The following PTPRM variants were observed in gnomAD, a reference collection of about 807,000 sequenced individuals.
The protein encoded by PTPRM is receptor-type tyrosine-protein phosphatase mu.
PTPRM carries 47 observed loss-of-function variants against 186.7 expected under a neutral mutation model. The ratio of observed to expected loss-of-function variants is 0.25; its 90% CI spans 0.20 to 0.32. The LOEUF (loss-of-function observed/expected upper bound fraction) is 0.32. Among genes scored for constraint, PTPRM ranks in the 10% least tolerant of loss-of-function variants. The pLI is 1.00. For synonymous variants in PTPRM, 668 were observed against 674.9 expected (o/e 0.99, Z 0.16); for missense variants, 1,494 against 1,865.0 (o/e 0.80, Z 3.66).
At chr18:8,385,795 A>C (rs755458880) in intron 30 of PTPRM, among the ~76,000 whole-genome samples, 1 of 152,162 alleles carries the variant, frequency 6.6e-6, no homozygotes, top group Non-Finnish European at 1.5e-5. Flanking sequence ...TAAAAGGAGC[A>C]CTCTGGCACC....
intron 13 of PTPRM, among the ~76,000 whole-genome samples, chr18:8,135,683 T>C (rs1441226467): frequency 1.3e-5 from 2 of 152,224 alleles, no homozygotes; most frequent in African/African-American, 4.8e-5. Flanking sequence ...GTTTACTAAA[T>C]GAGAGTCTGG....
chr18:7,642,866 AAG>A (rs869162574), intron 1 of PTPRM, among the ~76,000 whole-genome samples: 5 of 137,508 alleles, frequency 3.6e-5, no homozygotes, highest in Non-Finnish European at 4.8e-5. Context: ...AAAAAAAAAA[AAG>A]AAGAAGAAAG....
chr18:7,633,625 G>C (rs2038242256), intron 1 of PTPRM, among the ~76,000 whole-genome samples: 1 of 152,090 alleles, frequency 6.6e-6, no homozygotes, highest in Non-Finnish European at 1.5e-5. Flanking sequence ...AATCTGACCT[G>C]CTCTCTCTAT....
intron 2 of PTPRM, among the ~76,000 whole-genome samples, chr18:7,851,547 T>C (rs1468159359): frequency 6.6e-6 from 1 of 152,038 alleles, no homozygotes; most frequent in Non-Finnish European, 1.5e-5. Flanking sequence ...GATTGACATC[T>C]GCAAGGTACA....
At chr18:8,237,060 A>G (rs2147210681) in intron 14 of PTPRM, among the ~76,000 whole-genome samples, 1 of 152,222 alleles carries the variant, frequency 6.6e-6, no homozygotes, top group Admixed American at 6.5e-5. Context: ...CCTAGAGTTC[A>G]CATATGTTTA....
rs11294604 is a variant in PTPRM, at chr18:7,891,113, C to CAA, written c.468+2750_468+2751dup. On this transcript the variant is annotated intron_variant, in intron 3 of 32. Transcript: ENST00000580170. ...GCAACATGGCGAAATCCAGTGTCTC[C>CAA]AAAAAAAAAAAAAAACAACAAAATT... Among the ~76,000 whole-genome samples the CAA allele has an allele frequency of 8.6e-5, 11 of 128,498 alleles. No homozygotes were observed. The East Asian group carries it at 1.3e-3, about 15-fold the overall frequency. 84.3% of individuals were successfully genotyped at this position (128,498 alleles called of 152,430 possible). A position where few individuals can be genotyped will look rare whatever the true frequency, so the allele number is the denominator to read the frequency against.
chr18:8,339,202 C>T (rs1013543966), intron 22 of PTPRM, among the ~76,000 whole-genome samples: 1 of 151,648 alleles, frequency 6.6e-6, no homozygotes, highest in African/African-American at 2.4e-5. Flanking sequence ...GTTCCGCCCC[C>T]TTTTTTTTCC....
chr18:8,160,793 G>A (rs1358102153), intron 14 of PTPRM, among the ~76,000 whole-genome samples: 2 of 152,152 alleles, frequency 1.3e-5, no homozygotes, highest in Admixed American at 1.3e-4. Flanking sequence ...TCATTGTATG[G>A]TATTATTCCT....
intron 1 of PTPRM, among the ~76,000 whole-genome samples, chr18:7,639,731 A>G (rs1384537553): frequency 6.6e-6 from 1 of 152,168 alleles, no homozygotes; most frequent in East Asian, 1.9e-4. Flanking sequence ...TGCTGTTTAC[A>G]TTTATATGGT....
At chr18:7,592,562 A>T (rs1442037357) in intron 1 of PTPRM, among the ~76,000 whole-genome samples, 1 of 152,214 alleles carries the variant, frequency 6.6e-6, no homozygotes, top group East Asian at 1.9e-4. Context: ...ACCCCCAGTT[A>T]TGTGGTACAG....
intron 1 of PTPRM, among the ~76,000 whole-genome samples, chr18:7,607,239 G>A (rs140795882): frequency 6.6e-6 from 1 of 152,112 alleles, no homozygotes; most frequent in East Asian, 1.9e-4. Context: ...CTGAGATCTG[G>A]AGCTGCGAGG....
At chr18:8,092,380 A>G (rs897836670) in intron 11 of PTPRM, among the ~76,000 whole-genome samples, 1 of 152,146 alleles carries the variant, frequency 6.6e-6, no homozygotes, top group Non-Finnish European at 1.5e-5. Context: ...CATTAATAAG[A>G]TATGGAAAAG....
chr18:7,717,424 T>G (rs970497254), intron 1 of PTPRM, among the ~76,000 whole-genome samples: 4 of 152,108 alleles, frequency 2.6e-5, no homozygotes, highest in Non-Finnish European at 5.9e-5. Flanking sequence ...CCCATCCCCT[T>G]TTTGTCTCCC....
chr18:8,211,497 G>A (rs12965927), intron 14 of PTPRM, among the ~76,000 whole-genome samples: 24,548 of 148,014 alleles, frequency 0.17, 2,264 homozygotes, highest in Non-Finnish European at 0.22. Context: ...TCCACCTTCC[G>A]GTTTCAAGTG....
chr18:7,743,737 A>G (rs2040929169), intron 1 of PTPRM, among the ~76,000 whole-genome samples: 1 of 152,162 alleles, frequency 6.6e-6, no homozygotes, highest in African/African-American at 2.4e-5. Context: ...TATTTCTTAC[A>G]TATGTTTTGG....
intron 2 of PTPRM, among the ~76,000 whole-genome samples, chr18:7,868,491 C>T (rs1198762089): frequency 1.3e-5 from 2 of 152,200 alleles, no homozygotes; most frequent in African/African-American, 4.8e-5. Context: ...TGGAGGTCCA[C>T]TTTGGACTCT....
At chr18:8,108,041 G>A (rs2091599693) in intron 11 of PTPRM, among the ~76,000 whole-genome samples, 1 of 152,138 alleles carries the variant, frequency 6.6e-6, no homozygotes, top group Non-Finnish European at 1.5e-5. Context: ...GACAATGTCA[G>A]AGCAAAGAAC....
At chr18:7,570,941 GTTTT>G (rs11312671) in intron 1 of PTPRM, among the ~76,000 whole-genome samples, 1 of 133,504 alleles carries the variant, frequency 7.5e-6, no homozygotes, top group African/African-American at 2.8e-5. Context: ...AAAATTGTGG[GTTTT>G]TTTTTTTTTT....
chr18:8,020,725 T>C (rs1330422623), intron 7 of PTPRM, among the ~76,000 whole-genome samples: 1 of 152,116 alleles, frequency 6.6e-6, no homozygotes, highest in African/African-American at 2.4e-5. Flanking sequence ...GAGTTTTTTC[T>C]CCCACAATTG....
Sources: gnomAD v4.1 joint callset for allele counts (sites outside exome capture counted in the v4.1 genomes callset) on GRCh38, gnomAD v4.1.1 for gene constraint, MANE v1.5 for transcripts, NCBI Gene and HGNC (gene_info 2026-07-23, HGNC 2026-07-21) for gene names.